The following DCDC2 variants were observed in gnomAD, a reference collection of about 807,000 sequenced individuals.
DCDC2 encodes the protein doublecortin domain containing 2.
Under a neutral mutation model 50.2 loss-of-function variants are expected in DCDC2, and 40 were observed. That is an observed-to-expected ratio of 0.80 (90% confidence interval 0.62 to 1.04). The LOEUF (loss-of-function observed/expected upper bound fraction) is 1.04, where lower values mean the gene tolerates loss of function less well. Among genes scored for constraint, DCDC2 ranks in the 50% least tolerant of loss-of-function variants. The pLI is 0.00. For missense variants in DCDC2, 570 were observed against 581.9 expected, an observed-to-expected ratio of 0.98 and a Z score of 0.21; for synonymous variants, 234 against 210.6, an observed-to-expected ratio of 1.11 and a Z score of -0.96.
chr6:24,358,017 C>A lies in DCDC2; in HGVS notation c.-267G>T. Reference sequence around the variant, plus strand: ...CAGGACCCGCAGTGCGCGCACCACACCAGGTTCACCTGCTACGGGCAGAAT... The same window carrying A: ...CAGGACCCGCAGTGCGCGCACCACAACAGGTTCACCTGCTACGGGCAGAAT... On this transcript the variant is annotated 5_prime_UTR_variant, in exon 1 of 10. Coordinates refer to ENST00000378454, the MANE Select transcript of DCDC2 (RefSeq NM_016356.5). 2 of 1,252,328 alleles carry A rather than the reference C, an allele frequency of 1.6e-6. No individual in the cohort carries two copies. The highest frequency in any genetic ancestry group is 2.2e-6 in the Non-Finnish European group (2 of 922,736). 77.6% of individuals were successfully genotyped at this position (1,252,328 alleles called of 1,614,324 possible).
At chr6:24,333,359 T>G (rs576421546) in intron 2 of DCDC2, among the ~76,000 whole-genome samples, 1 of 152,278 alleles carries the variant, frequency 6.6e-6, no homozygotes, top group African/African-American at 2.4e-5. Context: ...CTGAAAGGTA[T>G]GACGACCCCA....
the DCDC2 span, among the ~76,000 whole-genome samples, chr6:24,374,161 CAAAAAAA>C: frequency 1.0e-4 from 6 of 59,056 alleles, no homozygotes; most frequent in Non-Finnish European, 2.2e-4. Flanking sequence ...GACTCCATTT[CAAAAAAA>C]AAAAAAAAAA....
At chr6:24,291,996 T>C (rs536826917) in intron 4 of DCDC2, among the ~76,000 whole-genome samples, 1 of 150,318 alleles carries the variant, frequency 6.7e-6, no homozygotes, top group South Asian at 2.1e-4. Flanking sequence ...TGCTTCTTTC[T>C]TTTTTTTTGC....
intron 2 of DCDC2, among the ~76,000 whole-genome samples, chr6:24,340,264 C>T (rs903040160): frequency 2.6e-5 from 4 of 152,080 alleles, no homozygotes; most frequent in Non-Finnish European, 5.9e-5. Flanking sequence ...TCTGAGGATT[C>T]CCCTGGCTTA....
At chr6:24,226,097 T>C (rs180879773) in intron 7 of DCDC2, among the ~76,000 whole-genome samples, 34 of 152,336 alleles carry the variant, frequency 2.2e-4, no homozygotes, top group Non-Finnish European at 2.9e-5. Context: ...TAAAACATAA[T>C]ACTTGCCCAC....
intron 7 of DCDC2, among the ~76,000 whole-genome samples, chr6:24,265,140 CAAAAAAGA>C (rs751910912): frequency 1.3e-5 from 2 of 150,490 alleles, no homozygotes; most frequent in Admixed American, 6.6e-5. Flanking sequence ...ATCTCTACAA[CAAAAAAGA>C]AAAAAAGAAA....
At chr6:24,225,499 T>C (rs1448337860) in intron 7 of DCDC2, among the ~76,000 whole-genome samples, 1 of 152,016 alleles carries the variant, frequency 6.6e-6, no homozygotes, top group Admixed American at 6.6e-5. Context: ...AAAAGAACAC[T>C]AAAAACTGAA....
chr6:24,352,553 G>A (rs1760392332), intron 2 of DCDC2, among the ~76,000 whole-genome samples: 1 of 152,010 alleles, frequency 6.6e-6, no homozygotes, highest in Admixed American at 6.5e-5. Flanking sequence ...GTCTAGGAAG[G>A]GTACCTCTTT....
the DCDC2 span, among the ~76,000 whole-genome samples, chr6:24,370,161 CA>C: frequency 1.3e-5 from 2 of 152,138 alleles, no homozygotes; most frequent in Non-Finnish European, 2.9e-5. Flanking sequence ...GTCCTGTTTA[CA>C]AGGGACACAC....
At chr6:24,286,724 T>G (rs9379650) in intron 6 of DCDC2, among the ~76,000 whole-genome samples, 22 of 152,004 alleles carry the variant, frequency 1.4e-4, no homozygotes, top group African/African-American at 5.1e-4. Context: ...CAACTCAACA[T>G]GTTTGAAATT....
At chr6:24,342,992 A>G (rs1329241858) in intron 2 of DCDC2, among the ~76,000 whole-genome samples, 1 of 149,400 alleles carries the variant, frequency 6.7e-6, no homozygotes, top group East Asian at 2.0e-4. Flanking sequence ...TTGGCACGTG[A>G]GTCTTTTTAT....
At chr6:24,289,859 T>A (rs929293883) in intron 5 of DCDC2, among the ~76,000 whole-genome samples, 9 of 150,870 alleles carry the variant, frequency 6.0e-5, no homozygotes, top group East Asian at 3.9e-4. Flanking sequence ...CCAAAAAAAA[T>A]TTTTTTTTGC....
At chr6:24,220,907 A>AGC (rs1762101458) in intron 7 of DCDC2, among the ~76,000 whole-genome samples, 1 of 132,008 alleles carries the variant, frequency 7.6e-6, no homozygotes. Flanking sequence ...AGCGAGCGAG[A>AGC]GAGTGAGCGA....
chr6:24,185,662 C>A (rs1761180420), intron 8 of DCDC2, among the ~76,000 whole-genome samples: 1 of 148,056 alleles, frequency 6.8e-6, no homozygotes, highest in African/African-American at 2.6e-5. Flanking sequence ...AGAAGGAACA[C>A]CGGGTTTTAC....
the DCDC2 span, among the ~76,000 whole-genome samples, chr6:24,382,096 TGGGCAAGCTA>T: frequency 6.6e-6 from 1 of 152,128 alleles, no homozygotes; most frequent in Non-Finnish European, 1.5e-5. Context: ...TTCATAAAAC[TGGGCAAGCTA>T]AGCTCAAAAT....
At chr6:24,334,208 C>T (rs1760016441) in intron 2 of DCDC2, among the ~76,000 whole-genome samples, 1 of 152,116 alleles carries the variant, frequency 6.6e-6, no homozygotes, top group African/African-American at 2.4e-5. Context: ...GAAGGTTGTA[C>T]ATAGAGAGTC....
chr6:24,369,329 C>G, the DCDC2 span, among the ~76,000 whole-genome samples: 3 of 151,746 alleles, frequency 2.0e-5, no homozygotes, highest in East Asian at 3.9e-4. Context: ...CATTCTGAGC[C>G]CGGGCTCAGT....
At chr6:24,320,085 T>C (rs992452713) in intron 2 of DCDC2, among the ~76,000 whole-genome samples, 2 of 152,218 alleles carry the variant, frequency 1.3e-5, no homozygotes, top group Non-Finnish European at 2.9e-5. Context: ...ACACAAATAC[T>C]GTACTTTAGT....
chr6:24,334,672 C>A (rs377146497), intron 2 of DCDC2, among the ~76,000 whole-genome samples: 24 of 152,274 alleles, frequency 1.6e-4, no homozygotes, highest in African/African-American at 5.1e-4. Context: ...GGCATGAGCA[C>A]CCCACCCACT....
Sources: allele counts gnomAD v4.1 joint callset (sites outside exome capture counted in the v4.1 genomes callset), GRCh38; gene constraint gnomAD v4.1.1; transcripts MANE v1.5; gene names NCBI Gene and HGNC (gene_info 2026-07-23, HGNC 2026-07-21).